Variants in KDM7A observed in about 807,000 individuals in gnomAD.
The protein encoded by KDM7A is lysine demethylase 7A.
KDM7A carries 28 observed loss-of-function variants against 114.8 expected under a neutral mutation model. The observed-to-expected ratio is 0.24, with a 90% CI of 0.18 to 0.33. KDM7A has a LOEUF of 0.33. Among genes scored for constraint, KDM7A ranks in the 10% least tolerant of loss-of-function variants. The pLI, the probability that KDM7A is intolerant of heterozygous loss-of-function variation, is 1.00. For missense variants in KDM7A, 942 were observed against 1,142.5 expected (o/e 0.82, Z 2.53); for synonymous variants, 423 against 397.8 (o/e 1.06, Z -0.75).
rs948059011 is a variant in KDM7A at position 140,134,271 on chromosome 7, G to C, written c.281-615C>G. Reference sequence around the variant, plus strand: ...CTCTGGAAGGCTATGACCTTGAGTAGTCACAGCAATCGAAATCAGAAGATT... The same window carrying C: ...CTCTGGAAGGCTATGACCTTGAGTACTCACAGCAATCGAAATCAGAAGATT... On this transcript the variant is annotated intron_variant, in intron 2 of 19. Transcript: ENST00000397560. 7.2e-5 allele frequency among the ~76,000 whole-genome samples: 11 copies of C among 152,220 alleles called. No homozygotes were observed. The South Asian group carries it at 2.1e-3, about 29-fold the overall frequency.
intron 12 of KDM7A, among the ~76,000 whole-genome samples, chr7:140,100,659 G>GTT (rs1322331142): frequency 9.7e-5 from 7 of 72,438 alleles, no homozygotes; most frequent in African/African-American, 3.2e-4. Context: ...ATTTTAAAAA[G>GTT]TTATATATAT....
intron 10 of KDM7A, among the ~76,000 whole-genome samples, chr7:140,113,258 C>T (rs1818461537): frequency 6.6e-6 from 1 of 152,192 alleles, no homozygotes; most frequent in African/African-American, 2.4e-5. Flanking sequence ...CCTAAATATA[C>T]TTGAATTACT....
In KDM7A at chr7:140,096,745, C is replaced by T. The variant is rs561622066; in HGVS notation, c.2184G>A (p.Thr728=). 90 of 1,614,036 alleles carry T rather than the reference C, an allele frequency of 5.6e-5. No homozygotes were observed. In the African/African-American group the frequency reaches 7.9e-4, roughly 14 times the overall value. The change falls in exon 17 of 20, where the codon ACG becomes ACA. Residue 728 remains threonine, a synonymous_variant. Coordinates refer to ENST00000397560, the MANE Select transcript of KDM7A (RefSeq NM_030647.2). ...IPIKRECPTS[T]STEEEAIQGM... ...CCTGAATAGCTTCTTCCTCTGTGCT[C>T]GTCGAGGTAGGACATTCCCTAAAGA...
At chr7:140,120,168 G>C (rs1266801328) in intron 8 of KDM7A, among the ~76,000 whole-genome samples, 2 of 152,116 alleles carry the variant, frequency 1.3e-5, no homozygotes, top group African/African-American at 2.4e-5. Context: ...AGCCAAAGAA[G>C]AACACATACA....
At chr7:140,125,991 A>G (rs1330059866) in intron 6 of KDM7A, among the ~76,000 whole-genome samples, 1 of 151,768 alleles carries the variant, frequency 6.6e-6, no homozygotes, top group Non-Finnish European at 1.5e-5. Flanking sequence ...TGTAGCCTCA[A>G]CTTCCTGGGC....
chr7:140,174,095 C>T (rs1369190677), intron 1 of KDM7A, among the ~76,000 whole-genome samples: 1 of 150,098 alleles, frequency 6.7e-6, no homozygotes, highest in African/African-American at 2.5e-5. Flanking sequence ...ACCCGGGAGG[C>T]GGAGTTTGCA....
In KDM7A at chr7:140,088,831, G is replaced by T; in HGVS notation, c.*2263C>A. ...CAGCCTAAGGACACAGTGGATACTG[G>T]CCACAATTTTAATTCATAAAAATAA... On this transcript the variant is annotated 3_prime_UTR_variant, in exon 20 of 20. Coordinates refer to ENST00000397560, the MANE Select transcript of KDM7A (RefSeq NM_030647.2). 1 of 283,758 alleles carries T rather than the reference G, an allele frequency of 3.5e-6. No homozygotes were observed. Among genetic ancestry groups the T allele is most frequent in the Admixed American group, 5.1e-5 (1 of 19,480 alleles). The allele number at this position is 283,758 out of a possible 1,614,324, so 17.6% of individuals were successfully genotyped here.
At chr7:140,150,381 CTCAG>C (rs1456033417) in intron 1 of KDM7A, among the ~76,000 whole-genome samples, 1 of 152,198 alleles carries the variant, frequency 6.6e-6, no homozygotes, top group Non-Finnish European at 1.5e-5. Flanking sequence ...CCCTTTAACA[CTCAG>C]TCTATCTGTG....
intron 2 of KDM7A, among the ~76,000 whole-genome samples, chr7:140,137,153 G>A (rs1008632441): frequency 6.6e-6 from 1 of 152,110 alleles, no homozygotes; most frequent in African/African-American, 2.4e-5. Flanking sequence ...TTCCCTGTAA[G>A]TACACAGAGT....
At chr7:140,141,381 C>G (rs1161958478) in intron 1 of KDM7A, among the ~76,000 whole-genome samples, 1 of 151,914 alleles carries the variant, frequency 6.6e-6, no homozygotes, top group Non-Finnish European at 1.5e-5. Context: ...CCCTAAAACT[C>G]TACCAAGTAT....
At chr7:140,102,432 G>A (rs371080498) in intron 11 of KDM7A, among the ~76,000 whole-genome samples, 1 of 151,552 alleles carries the variant, frequency 6.6e-6, no homozygotes, top group Non-Finnish European at 1.5e-5. Flanking sequence ...GCAGTGTGTG[G>A]AGTGCAGTGG....
intron 1 of KDM7A, among the ~76,000 whole-genome samples, chr7:140,155,584 C>T (rs1339101128): frequency 6.6e-6 from 1 of 152,170 alleles, no homozygotes; most frequent in African/African-American, 2.4e-5. Context: ...CCCATGTGGA[C>T]ATCTTGTTTT....
At chr7:140,109,814 C>T (rs528738067) in intron 11 of KDM7A, among the ~76,000 whole-genome samples, 16 of 152,242 alleles carry the variant, frequency 1.1e-4, no homozygotes, top group African/African-American at 3.1e-4. Context: ...GATAACCCAG[C>T]GCCACATAAC....
At position 140,100,707 on chromosome 7, in the gene KDM7A, T is replaced by TAC. The variant is rs1401828404; in HGVS notation, c.1639-686_1639-685dup. Among the ~76,000 whole-genome samples, 241 of 37,438 alleles carry TAC rather than the reference T, an allele frequency of 6.4e-3. 6 individuals carry two copies. Among genetic ancestry groups the TAC allele is most frequent in the Non-Finnish European group, 0.011 (186 of 16,334 alleles). 24.6% of individuals were successfully genotyped at this position (37,438 alleles called of 152,430 possible). A position where few individuals can be genotyped will look rare whatever the true frequency, so the allele number is the denominator to read the frequency against. On this transcript the variant is annotated intron_variant, in intron 12 of 19. Transcript: ENST00000397560. ...ATATATACATATATATATATATATA[T>TAC]ACACATATATATATATATATATATA...
intron 11 of KDM7A, among the ~76,000 whole-genome samples, chr7:140,109,267 A>C (rs1818394475): frequency 1.3e-5 from 2 of 152,158 alleles, no homozygotes; most frequent in Admixed American, 1.3e-4. Flanking sequence ...CGTGGGCTGC[A>C]CCCACTGTCC....
At chr7:140,163,634 GAC>G (rs1794543875) in intron 1 of KDM7A, among the ~76,000 whole-genome samples, 1 of 151,880 alleles carries the variant, frequency 6.6e-6, no homozygotes, top group Non-Finnish European at 1.5e-5. Flanking sequence ...TTTTTTTAAT[GAC>G]AGTTTATATG....
chr7:140,171,324 C>A (rs1794636106), intron 1 of KDM7A, among the ~76,000 whole-genome samples: 1 of 149,744 alleles, frequency 6.7e-6, no homozygotes, highest in South Asian at 2.1e-4. Context: ...AAAAAATTAG[C>A]TGGGCATGGT....
At chr7:140,153,169 G>A (rs905657424) in intron 1 of KDM7A, among the ~76,000 whole-genome samples, 4 of 151,762 alleles carry the variant, frequency 2.6e-5, no homozygotes, top group Non-Finnish European at 5.9e-5. Flanking sequence ...TCACGTGATC[G>A]ATGACAGGCA....
At chr7:140,172,237 C>T (rs910251441) in intron 1 of KDM7A, among the ~76,000 whole-genome samples, 2 of 152,144 alleles carry the variant, frequency 1.3e-5, no homozygotes, top group African/African-American at 4.8e-5. Flanking sequence ...ATTGTACATG[C>T]CAGGTCTTCT....
Sources: allele counts gnomAD v4.1 joint callset (sites outside exome capture counted in the v4.1 genomes callset), GRCh38; gene constraint gnomAD v4.1.1; transcripts MANE v1.5; gene names NCBI Gene and HGNC (gene_info 2026-07-23, HGNC 2026-07-21).